The following NAT9 variants were observed in gnomAD, a reference collection of about 807,000 sequenced individuals.
NAT9 encodes N-acetyltransferase 9, also known as alpha/beta-tubulin-N-acetyltransferase 9.
A neutral mutation model predicts 24.0 loss-of-function variants in NAT9; 18 were observed. The ratio of observed to expected loss-of-function variants is 0.75; its 90% CI spans 0.52 to 1.11. The LOEUF is 1.11. NAT9 is among the 50% of genes most tolerant of loss of function. The pLI, the probability that NAT9 is intolerant of heterozygous loss-of-function variation, is 0.00. For synonymous variants in NAT9, 104 were observed against 102.3 expected, an observed-to-expected ratio of 1.02 and a Z score of -0.10; for missense variants, 254 against 258.6, an observed-to-expected ratio of 0.98 and a Z score of 0.12.
intron 2 of NAT9, chr17:74,774,035 C>G: frequency 4.6e-6 from 1 of 217,878 alleles, no homozygotes; most frequent in South Asian, 6.9e-5. Context: ...GTTAGGGCAC[C>G]AGGAACCCTC....
chr17:74,773,199 A>T lies in NAT9; in HGVS notation c.191-160T>A. The T allele has an allele frequency of 3.4e-6, 3 of 889,558 alleles. No homozygotes were observed. The South Asian group carries it at 5.4e-5, about 16-fold the overall frequency. The allele number at this position is 889,558 out of a possible 1,614,324, so 55.1% of individuals were successfully genotyped here. A position where few individuals can be genotyped will look rare whatever the true frequency, so the allele number is the denominator to read the frequency against. ...TTCCTTCAGCTCATTACAAAATTCC[A>T]AATCTGCCTCATACAGAAAAAGCCT... is the stretch of plus-strand genomic sequence containing the variant. On this transcript the variant is annotated intron_variant, in intron 3 of 6. Transcript: ENST00000357814.
chr17:74,772,121 C>A, intron 5 of NAT9, 67 bp from the exon 6 acceptor site: 7 of 1,613,646 alleles, frequency 4.3e-6, no homozygotes, highest in Non-Finnish European at 5.9e-6. Context: ...TCCCAAGCTG[C>A]AGAGGAGGAA....
chr17:74,775,140 C>A lies in NAT9; in HGVS notation c.77+482G>T, dbSNP rs1461430402. Among the ~76,000 whole-genome samples, 5 of 152,268 alleles carry A rather than the reference C, an allele frequency of 3.3e-5. 1 individual carries two copies. The East Asian group carries it at 9.6e-4, about 29-fold the overall frequency. ...AAAGTGCTGGGATTACAGGCGTGAG[C>A]CACCGCACCCGGCCGTTTTTTTGTT... is the stretch of plus-strand genomic sequence containing the variant. On this transcript the variant is annotated intron_variant, in intron 2 of 6. Coordinates refer to ENST00000357814, the MANE Select transcript of NAT9 (RefSeq NM_015654.5).
At chr17:74,775,896 T>G in intron 1 of NAT9, 189 bp from the exon 2 acceptor site, 1 of 508,082 alleles carries the variant, frequency 2.0e-6, no homozygotes, top group East Asian at 3.1e-5. Context: ...AATTAAACAA[T>G]CCTTGACTCC....
intron 2 of NAT9, among the ~76,000 whole-genome samples, chr17:74,774,710 C>T (rs1361474821): frequency 4.6e-5 from 7 of 151,986 alleles, no homozygotes; most frequent in Non-Finnish European, 8.8e-5. Context: ...CCACCACATC[C>T]GGCTAATTTT....
intron 5 of NAT9, 30 bp from the exon 6 acceptor site, chr17:74,772,084 A>G (rs1269961955): frequency 1.2e-6 from 2 of 1,614,140 alleles, no homozygotes; most frequent in Non-Finnish European, 1.7e-6. Flanking sequence ...AGGGGCAAGT[A>G]AGGAGGCGCC....
intron 4 of NAT9, chr17:74,772,588 C>T (rs1251426032): frequency 2.1e-6 from 3 of 1,401,876 alleles, no homozygotes; most frequent in African/African-American, 2.9e-5. Flanking sequence ...TGTAATATGA[C>T]AACATGCTCC....
At chr17:74,772,729 C>A in intron 4 of NAT9, 167 bp downstream of exon 4, 1 of 1,187,292 alleles carries the variant, frequency 8.4e-7, no homozygotes, top group Non-Finnish European at 1.2e-6. Flanking sequence ...GGGTGTACCA[C>A]CAGGCTGAGG....
chr17:74,771,244 A>G lies in NAT9; in HGVS notation c.*480T>C, dbSNP rs917894150. 1.4e-4 allele frequency: 25 copies of G among 178,886 alleles called. No individual in the cohort carries two copies. The highest frequency in any genetic ancestry group is 2.6e-4 in the Non-Finnish European group (21 of 81,940). 11.1% of individuals were successfully genotyped at this position (178,886 alleles called of 1,614,324 possible). A position where few individuals can be genotyped will look rare whatever the true frequency, so the allele number is the denominator to read the frequency against. On this transcript the variant is annotated 3_prime_UTR_variant, in exon 7 of 7. Transcript: ENST00000357814. Reference sequence around the variant, plus strand: ...CTGCCTCTGCAGGACAAGAGGACCAAGCTGCCCTTGAGTGGACACTGTGAG... The same window carrying G: ...CTGCCTCTGCAGGACAAGAGGACCAGGCTGCCCTTGAGTGGACACTGTGAG...
chr17:74,774,416 T>TC (rs1179374986), intron 2 of NAT9, among the ~76,000 whole-genome samples: 1 of 151,280 alleles, frequency 6.6e-6, no homozygotes, highest in East Asian at 1.9e-4. Flanking sequence ...CTGCTATTTT[T>TC]TTTTTTTTTT....
chr17:74,775,276 C>A (rs761894296), intron 2 of NAT9: 2 of 195,306 alleles, frequency 1.0e-5, no homozygotes, highest in Non-Finnish European at 2.1e-5. Flanking sequence ...CAGTCTTCAT[C>A]TCCTGGGCTC....
In NAT9 at chr17:74,773,408, C is replaced by T; in HGVS notation, c.190+168G>A. 4.8e-6 allele frequency: 3 copies of T among 627,108 alleles called. No homozygotes were observed. The South Asian group carries it at 5.6e-5, about 12-fold the overall frequency. 38.8% of individuals were successfully genotyped at this position (627,108 alleles called of 1,614,324 possible). A position where few individuals can be genotyped will look rare whatever the true frequency, so the allele number is the denominator to read the frequency against. On this transcript the variant is annotated intron_variant, in intron 3 of 6. Transcript: ENST00000357814. Reference sequence around the variant, plus strand: ...GTGGGGAAGAGGACAGAAGGGTCAGCCACAGGGACTGGCTTCAGGGCCATG... The same window carrying T: ...GTGGGGAAGAGGACAGAAGGGTCAGTCACAGGGACTGGCTTCAGGGCCATG...
At position 74,772,882 on chromosome 17, in the gene NAT9, TA is replaced by T. The variant is rs1341785945; in HGVS notation, c.334+13del. 1 of 1,614,052 alleles carries T rather than the reference TA, an allele frequency of 6.2e-7. No homozygotes were observed. The highest frequency in any genetic ancestry group is 8.5e-7 in the Non-Finnish European group (1 of 1,179,968). ...GCCGGGAGTCAGCGGAAGGCAGGGC[TA>T]GGTGAAACAAACCTGCAATCATGAC... On this transcript the variant is annotated intron_variant, in intron 4 of 6. Coordinates refer to ENST00000357814, the MANE Select transcript of NAT9 (RefSeq NM_015654.5).
chr17:74,774,461 C>T (rs1319716213), intron 2 of NAT9, among the ~76,000 whole-genome samples: 1 of 144,992 alleles, frequency 6.9e-6, no homozygotes, highest in African/African-American at 2.6e-5. Context: ...GTTGCCCAGG[C>T]TGGAATTACA....
In NAT9 at chr17:74,771,656, T is replaced by C; in HGVS notation, c.*68A>G. 6.3e-7 allele frequency: 1 copy of C among 1,595,784 alleles called. No homozygotes were observed. Among genetic ancestry groups the C allele is most frequent in the African/African-American group, 1.3e-5 (1 of 74,740 alleles). ...CAGGAGCACTCTCCCAGTGCAGGGC[T>C]CTGGTCTTTGAAGTGTATGGGCCCA... On this transcript the variant is annotated 3_prime_UTR_variant, in exon 7 of 7. Transcript: ENST00000357814.
At chr17:74,775,369 T>G (rs377160682) in intron 2 of NAT9, 1 of 360,478 alleles carries the variant, frequency 2.8e-6, no homozygotes, top group African/African-American at 2.1e-5. Flanking sequence ...TGTATTTTTT[T>G]GTAGAGACAA....
intron 4 of NAT9, 57 bp downstream of exon 4, chr17:74,772,839 C>A: frequency 6.2e-7 from 1 of 1,607,932 alleles, no homozygotes; most frequent in Admixed American, 1.7e-5. Flanking sequence ...TCGGCAGGCT[C>A]AGTCAGCAGA....
rs2035578606 is a variant in NAT9, at chr17:74,773,825, A to AG, written c.78-138dup. ...AAAGGGTTATGATTGCTCCTAAGGC[A>AG]GGGGCCACAGACACAAGACCCAGAA... On this transcript the variant is annotated intron_variant, in intron 2 of 6. Transcript: ENST00000357814. 5 of 674,546 alleles carry AG rather than the reference A, an allele frequency of 7.4e-6. No homozygotes were observed. In the East Asian group the frequency reaches 1.4e-4, roughly 19 times the overall value. The allele number at this position is 674,546 out of a possible 1,614,324, so 41.8% of individuals were successfully genotyped here. A position where few individuals can be genotyped will look rare whatever the true frequency, so the allele number is the denominator to read the frequency against.
chr17:74,772,938 G>C lies in NAT9; in HGVS notation c.292C>G (p.Leu98Val). The part of the protein sequence containing the change: ...VGDVNLFLTD[L>V]EDLTLGEIEV... ...ATCTCCCCCAAGGTGAGGTCTTCTA[G>C]ATCTGTGAGGAAGAGGTTCACATCT... The change falls in exon 4 of 7, where the codon CTA becomes GTA. Residue 98 changes from leucine to valine, a missense_variant. Physicochemically the swap from Leu to Val is conservative, Grantham distance 32. Coordinates refer to ENST00000357814, the MANE Select transcript of NAT9 (RefSeq NM_015654.5). 5 of 1,614,190 alleles carry C rather than the reference G, an allele frequency of 3.1e-6. No individual in the cohort carries two copies. Among genetic ancestry groups the C allele is most frequent in the Non-Finnish European group, 4.2e-6 (5 of 1,180,032 alleles).
Sources: gnomAD v4.1 joint callset for allele counts (sites outside exome capture counted in the v4.1 genomes callset) on GRCh38, gnomAD v4.1.1 for gene constraint, MANE v1.5 for transcripts, NCBI Gene and HGNC (gene_info 2026-07-23, HGNC 2026-07-21) for gene names.